EPM2A: variants seen among roughly 807,000 people sequenced by gnomAD.
EPM2A encodes the protein EPM2A glucan phosphatase, laforin.
A neutral mutation model predicts 26.5 loss-of-function variants in EPM2A; 21 were observed. That is an observed-to-expected ratio of 0.79 (90% CI 0.56 to 1.14). The LOEUF is 1.14. Ranked by LOEUF, EPM2A falls within the 50% of genes most tolerant of loss-of-function variation. The probability of loss-of-function intolerance (pLI) is 0.00; values close to 1 mark genes in which losing one functional copy is unlikely to be tolerated. For synonymous variants in EPM2A, 217 were observed against 177.6 expected (o/e 1.22, Z -1.76); for missense variants, 458 against 440.8 (o/e 1.04, Z -0.35).
chr6:145,408,032 A>G (rs566861741), intron 4 of EPM2A, among the ~76,000 whole-genome samples: 2 of 152,292 alleles, frequency 1.3e-5, no homozygotes, highest in East Asian at 1.9e-4. Flanking sequence ...TTACTTCCTC[A>G]TCTTCATGCC....
chr6:145,677,486 T>C (rs898776469), intron 2 of EPM2A, among the ~76,000 whole-genome samples: 1 of 152,130 alleles, frequency 6.6e-6, no homozygotes, highest in African/African-American at 2.4e-5. Context: ...AAAGAGGAAG[T>C]CAAATTGTCC....
intron 4 of EPM2A, among the ~76,000 whole-genome samples, chr6:145,418,096 C>T (rs1300465965): frequency 6.6e-6 from 1 of 152,196 alleles, no homozygotes; most frequent in African/African-American, 2.4e-5. Context: ...GGGGAAAAGT[C>T]TGTAGTCACC....
At chr6:145,684,581 G>A (rs1264810013) in intron 2 of EPM2A, among the ~76,000 whole-genome samples, 1 of 151,942 alleles carries the variant, frequency 6.6e-6, no homozygotes, top group Non-Finnish European at 1.5e-5. Flanking sequence ...ATTTACTATT[G>A]TCTCATCTAG....
At chr6:145,475,970 CA>C (rs1473916845) in intron 4 of EPM2A, among the ~76,000 whole-genome samples, 5 of 151,932 alleles carry the variant, frequency 3.3e-5, no homozygotes, top group African/African-American at 1.2e-4. Flanking sequence ...ACCCTTCAAT[CA>C]AAAGACAGAG....
chr6:145,503,303 G>T (rs1309442118), intron 2 of EPM2A, among the ~76,000 whole-genome samples: 10 of 150,242 alleles, frequency 6.7e-5, no homozygotes. Flanking sequence ...AAGTCAAATT[G>T]TCCCTGTTTG....
intron 2 of EPM2A, among the ~76,000 whole-genome samples, chr6:145,681,474 A>G (rs1208649764): frequency 1.3e-5 from 2 of 149,342 alleles, no homozygotes; most frequent in African/African-American, 4.9e-5. Context: ...GCCCATGCCT[A>G]TGTCCTGAAT....
chr6:145,435,411 A>T (rs200699343), intron 4 of EPM2A, among the ~76,000 whole-genome samples: 854 of 79,974 alleles, frequency 0.011, 7 homozygotes, highest in East Asian at 0.057. Context: ...TGAAGAATTT[A>T]TATATATATA....
intron 2 of EPM2A, among the ~76,000 whole-genome samples, chr6:145,527,192 T>C (rs1001592538): frequency 2.0e-5 from 3 of 152,130 alleles, no homozygotes; most frequent in Non-Finnish European, 4.4e-5. Flanking sequence ...TATTAAGACT[T>C]ACTTTATAAC....
At chr6:145,658,703 G>C (rs1346833296) in intron 2 of EPM2A, among the ~76,000 whole-genome samples, 1 of 152,040 alleles carries the variant, frequency 6.6e-6, no homozygotes, top group African/African-American at 2.4e-5. Flanking sequence ...AATCTATCTT[G>C]CTTTTATAAG....
At chr6:145,392,159 G>T (rs903868085) in intron 4 of EPM2A, among the ~76,000 whole-genome samples, 2 of 152,158 alleles carry the variant, frequency 1.3e-5, no homozygotes, top group African/African-American at 4.8e-5. Flanking sequence ...GGGAACTTTT[G>T]ACATGCTTAA....
At chr6:145,432,027 A>G (rs1778929625) in intron 4 of EPM2A, among the ~76,000 whole-genome samples, 1 of 152,190 alleles carries the variant, frequency 6.6e-6, no homozygotes, top group Non-Finnish European at 1.5e-5. Context: ...TCCCTTTTCT[A>G]TTCAAGTTTT....
chr6:145,605,602 C>A (rs545820492), intron 2 of EPM2A, among the ~76,000 whole-genome samples: 1 of 152,164 alleles, frequency 6.6e-6, no homozygotes, highest in Admixed American at 6.5e-5. Context: ...GGTAGACCAA[C>A]CTCACTGTAA....
intron 4 of EPM2A, among the ~76,000 whole-genome samples, chr6:145,395,045 C>T (rs1267427809): frequency 6.6e-6 from 1 of 152,260 alleles, no homozygotes; most frequent in Middle Eastern, 3.4e-3. Context: ...TGTCAGAATT[C>T]TATTAAGTTT....
chr6:145,546,087 T>C (rs1780580072), intron 2 of EPM2A, among the ~76,000 whole-genome samples: 1 of 152,294 alleles, frequency 6.6e-6, no homozygotes, highest in Admixed American at 6.5e-5. Context: ...TCATGCAATA[T>C]GGAGGCTGGA....
intron 2 of EPM2A, among the ~76,000 whole-genome samples, chr6:145,674,104 C>T (rs1200316417): frequency 6.6e-6 from 1 of 152,120 alleles, no homozygotes; most frequent in African/African-American, 2.4e-5. Flanking sequence ...AAGGATCAGG[C>T]AGCAATATTT....
chr6:145,431,373 TA>T (rs1232025140), intron 4 of EPM2A, among the ~76,000 whole-genome samples: 1 of 151,904 alleles, frequency 6.6e-6, no homozygotes, highest in African/African-American at 2.4e-5. Context: ...ATATAGGAAA[TA>T]AAAAGAAAGC....
intron 4 of EPM2A, among the ~76,000 whole-genome samples, chr6:145,477,310 C>T (rs181432089): frequency 6.6e-6 from 1 of 151,896 alleles, no homozygotes; most frequent in Admixed American, 6.6e-5. Context: ...TAAAGAAAAG[C>T]CCAGGACCTG....
At chr6:145,503,448 AACAG>A (rs1300113354) in intron 2 of EPM2A, among the ~76,000 whole-genome samples, 1 of 112,602 alleles carries the variant, frequency 8.9e-6, no homozygotes, top group African/African-American at 4.0e-5. Context: ...ATACACCAAC[AACAG>A]ACAAACAGAG....
At position 145,635,287 on chromosome 6, in the gene EPM2A, A is replaced by C. The variant is rs754313309; in HGVS notation, c.676T>G (p.Leu226Val). The change falls in exon 3 of 4, where the codon TTG (leucine) becomes GTG (valine). Residue 226 changes from leucine (L) to valine (V), a missense_variant. Transcript: ENST00000367519. ...TMIKLYREEGLAYIWMPTPDM... is the reference protein window; with the variant it reads ...TMIKLYREEGVAYIWMPTPDM... ...GGTGTTGGCATCCAGATGTAGGCCA[A>C]GCCTTCTTCCCTATATAGTTTAATC... 15 of 1,614,208 alleles carry C rather than the reference A, an allele frequency of 9.3e-6. No homozygotes were observed. The East Asian group carries it at 1.3e-4, about 14-fold the overall frequency.
Sources: gnomAD v4.1 joint callset for allele counts (sites outside exome capture counted in the v4.1 genomes callset) on GRCh38, gnomAD v4.1.1 for gene constraint, MANE v1.5 for transcripts, NCBI Gene and HGNC (gene_info 2026-07-23, HGNC 2026-07-21) for gene names.